HDX: variants seen among roughly 807,000 people sequenced by gnomAD.
HDX encodes the protein chromosome X open reading frame 43.
A neutral mutation model predicts 45.2 loss-of-function variants in HDX; 19 were observed. The ratio of observed to expected loss-of-function variants is 0.42; its 90% confidence interval spans 0.29 to 0.62. The LOEUF is 0.62. Among genes scored for constraint, HDX ranks in the 20% least tolerant of loss-of-function variants. The pLI is 0.20. For missense variants in HDX, 532 were observed against 493.9 expected (o/e 1.08, Z -0.73); for synonymous variants, 188 against 172.8 (o/e 1.09, Z -0.69).
Position 84,336,850 on chromosome X carries a change from G to T in HDX, c.1691C>A (p.Ala564Glu), listed in dbSNP as rs768858069. The change falls in exon 8 of 11, where the codon GCA (alanine) becomes GAA (glutamate). Residue 564 changes from alanine to glutamate, a missense_variant. Ala to Glu is a moderately radical substitution (Grantham distance 107, BLOSUM62 -1). Around this residue, in one of 3 missense-constraint regions of HDX, gnomAD observed 151 missense variants for 131.8 expected, o/e 1.15. Transcript: ENST00000373177. ...EEPNEVVPNDARAHKEEDHHA... is the reference protein window; with the variant it reads ...EEPNEVVPNDERAHKEEDHHA... ...GTGGTCCTCTTCCTTATGAGCCCTT[G>T]CATCATTCGGAACAACTTCATTGGG... The T allele has an allele frequency of 2.2e-5, 26 of 1,185,012 alleles. No individual in the cohort carries two copies. Among genetic ancestry groups the T allele is most frequent in the Non-Finnish European group, 2.3e-5 (20 of 877,092 alleles).
At chrX:84,465,015 A>C (rs1602506254) in intron 4 of HDX, among the ~76,000 whole-genome samples, 1 of 112,472 alleles carries the variant, frequency 8.9e-6, no homozygotes, top group East Asian at 2.8e-4. Flanking sequence ...GGCAAAGGAC[A>C]TGAACAGGCA....
intron 5 of HDX, among the ~76,000 whole-genome samples, chrX:84,394,695 T>C (rs1166723105): frequency 2.7e-5 from 3 of 111,388 alleles, no homozygotes; most frequent in Non-Finnish European, 5.7e-5. Context: ...GATGCACATA[T>C]GTTTAGAATT....
At chrX:84,362,980 G>T (rs5922970) in intron 5 of HDX, among the ~76,000 whole-genome samples, 51,478 of 109,922 alleles carry the variant, frequency 0.47, 9,120 homozygotes, top group Middle Eastern at 0.68. Context: ...TTACTACCAA[G>T]AAAGTGAAGT....
chrX:84,335,643 T>G (rs1190875816), intron 8 of HDX, among the ~76,000 whole-genome samples: 1 of 111,227 alleles, frequency 9.0e-6, no homozygotes, highest in African/African-American at 3.3e-5. Flanking sequence ...GATTATTAGT[T>G]GGTGGAATTT....
Position 84,326,207 on chromosome X carries a change from T to C in HDX, c.1918A>G (p.Met640Val), listed in dbSNP as rs375023960. 1.7e-4 allele frequency: 209 copies of C among 1,204,675 alleles called. No homozygotes were observed. The highest frequency in any genetic ancestry group is 2.1e-4 in the Non-Finnish European group (188 of 890,475). The change falls in exon 10 of 11, where the codon ATG becomes GTG. Residue 640 changes from methionine (M) to valine (V), a missense_variant. Transcript: ENST00000373177. ...QTFVRSLILAMKADDKEQQQA... is the reference protein window; with the variant it reads ...QTFVRSLILAVKADDKEQQQA... ...TGTTGTTCCTTATCATCAGCTTTCA[T>C]TGCTAATATCAAGCTTCTAACAAAA...
intron 5 of HDX, among the ~76,000 whole-genome samples, chrX:84,367,302 T>C (rs1432392188): frequency 8.9e-6 from 1 of 112,270 alleles, no homozygotes; most frequent in African/African-American, 3.2e-5. Flanking sequence ...CACAATAAGA[T>C]ACCATCTCAC....
chrX:84,415,963 C>A (rs1465806782), intron 5 of HDX, among the ~76,000 whole-genome samples: 2 of 112,142 alleles, frequency 1.8e-5, no homozygotes, highest in Non-Finnish European at 3.8e-5. Flanking sequence ...TACCAGATGG[C>A]TTGACACTCA....
chrX:84,352,254 ATTTTCCCTTCAAG>A (rs772198723), intron 6 of HDX, among the ~76,000 whole-genome samples: 19 of 111,883 alleles, frequency 1.7e-4, no homozygotes, highest in Non-Finnish European at 3.2e-4. Context: ...GATGGGGGGA[ATTTTCCCTTCAAG>A]TTTATGAAAT....
intron 1 of HDX, among the ~76,000 whole-genome samples, chrX:84,488,944 T>C (rs1439775763): frequency 4.5e-5 from 5 of 111,924 alleles, no homozygotes; most frequent in Non-Finnish European, 9.4e-5. Flanking sequence ...TCATCGTTTG[T>C]CATGCTGTCA....
chrX:84,478,952 AT>A (rs1418682965), intron 2 of HDX, among the ~76,000 whole-genome samples: 1 of 112,206 alleles, frequency 8.9e-6, no homozygotes, highest in Non-Finnish European at 1.9e-5. Context: ...AAAAATGTGC[AT>A]TTGGAAAAGC....
chrX:84,476,057 G>T (rs1171028215), intron 2 of HDX, among the ~76,000 whole-genome samples: 2 of 111,544 alleles, frequency 1.8e-5, no homozygotes, highest in Non-Finnish European at 3.8e-5. Context: ...AATAAACCAT[G>T]TTAAAACTAT....
At chrX:84,353,133 A>T (rs1032845288) in intron 6 of HDX, among the ~76,000 whole-genome samples, 10 of 112,322 alleles carry the variant, frequency 8.9e-5, no homozygotes, top group African/African-American at 2.6e-4. Flanking sequence ...TAAAGCTAAA[A>T]TATTTCCTCT....
At chrX:84,336,120 C>T (rs1315441241) in intron 8 of HDX, among the ~76,000 whole-genome samples, 1 of 110,568 alleles carries the variant, frequency 9.0e-6, no homozygotes, top group African/African-American at 3.3e-5. Context: ...ACTCTTAATA[C>T]CATCTTGATT....
intron 5 of HDX, among the ~76,000 whole-genome samples, chrX:84,385,320 T>C (rs2038290660): frequency 1.1e-5 from 1 of 94,639 alleles, no homozygotes; most frequent in Non-Finnish European, 2.1e-5. Flanking sequence ...TTCACGCCAT[T>C]CTCCTGCCTC....
chrX:84,482,283 A>G (rs979422074), intron 2 of HDX, among the ~76,000 whole-genome samples: 7 of 111,713 alleles, frequency 6.3e-5, no homozygotes, highest in African/African-American at 2.3e-4. Context: ...AGAAATCTCC[A>G]TACTGCTTTT....
rs1226325368 is a variant in HDX at position 84,343,380 on chromosome X, G to T, written c.1660+870C>A. On this transcript the variant is annotated intron_variant, in intron 7 of 10. Coordinates refer to ENST00000373177, the MANE Select transcript of HDX (RefSeq NM_001177479.2). The stretch of plus-strand genomic sequence containing the variant: ...AGTGATCCTCTCACCTTAGACTCCT[G>T]AGTAGATGGGACTGTAGCTAACTAA... Among the ~76,000 whole-genome samples the T allele has an allele frequency of 2.3e-4, 25 of 110,934 alleles. 1 individual carries two copies. The Admixed American group carries it at 2.3e-3, about 10-fold the overall frequency.
chrX:84,450,749 C>T (rs978430444), intron 4 of HDX, among the ~76,000 whole-genome samples: 4 of 112,205 alleles, frequency 3.6e-5, no homozygotes, highest in Non-Finnish European at 5.6e-5. Context: ...ACACATTCTT[C>T]GCAACAGCAT....
chrX:84,413,007 G>A (rs1353490955), intron 5 of HDX, among the ~76,000 whole-genome samples: 1 of 111,526 alleles, frequency 9.0e-6, no homozygotes, highest in Non-Finnish European at 1.9e-5. Context: ...GGTCAGTTTG[G>A]TTCTTTCTTA....
At chrX:84,407,816 A>G (rs2038869823) in intron 5 of HDX, among the ~76,000 whole-genome samples, 1 of 111,075 alleles carries the variant, frequency 9.0e-6, no homozygotes, top group African/African-American at 3.3e-5. Context: ...TTTTTTTCCT[A>G]TGATTGTTGG....
Sources: gnomAD v4.1 joint callset for allele counts (sites outside exome capture counted in the v4.1 genomes callset) on GRCh38, gnomAD v4.1.1 for gene constraint, gnomAD v4.1.1 regional missense constraint, MANE v1.5 for transcripts, NCBI Gene and HGNC (gene_info 2026-07-23, HGNC 2026-07-21) for gene names.